The following RAPGEF2 variants were observed in gnomAD, a reference collection of about 807,000 sequenced individuals.
RAPGEF2 encodes the protein PDZ domain containing guanine nucleotide exchange factor (GEF) 1.
In RAPGEF2, 54 loss-of-function variants were observed where a neutral mutation model predicts 186.7. The ratio of observed to expected loss-of-function variants is 0.29; its 90% CI spans 0.23 to 0.36. RAPGEF2 has a LOEUF of 0.36. Among genes scored for constraint, RAPGEF2 ranks in the 10% least tolerant of loss-of-function variants. RAPGEF2 has a pLI of 1.00. For missense variants in RAPGEF2, 1,532 were observed against 2,045.0 expected, an observed-to-expected ratio of 0.75 and a Z score of 4.84; for synonymous variants, 712 against 705.9, an observed-to-expected ratio of 1.01 and a Z score of -0.14.
chr4:159,267,250 C>T, intron 7 of RAPGEF2: 1 of 1,289,240 alleles, frequency 7.8e-7, no homozygotes, highest in Non-Finnish European at 1.0e-6. Flanking sequence ...GCTTTCTATC[C>T]AGGAAATGGC....
At chr4:159,158,987 A>G (rs1367958249) in intron 1 of RAPGEF2, among the ~76,000 whole-genome samples, 1 of 152,200 alleles carries the variant, frequency 6.6e-6, no homozygotes, top group East Asian at 1.9e-4. Flanking sequence ...ATTTGGTCTT[A>G]ACGGCAACAC....
At chr4:159,228,946 G>A (rs1752327066) in intron 4 of RAPGEF2, among the ~76,000 whole-genome samples, 1 of 152,108 alleles carries the variant, frequency 6.6e-6, no homozygotes, top group Admixed American at 6.5e-5. Context: ...TTACTTGTTA[G>A]CTTTTCCTCC....
intron 7 of RAPGEF2, among the ~76,000 whole-genome samples, chr4:159,254,408 C>G (rs1048102934): frequency 6.6e-6 from 1 of 152,152 alleles, no homozygotes. Flanking sequence ...CTCAGGGGTC[C>G]TGAGACCATA....
intron 17 of RAPGEF2, among the ~76,000 whole-genome samples, chr4:159,333,907 C>G (rs1561299365): frequency 6.6e-6 from 1 of 152,150 alleles, no homozygotes; most frequent in Non-Finnish European, 1.5e-5. Context: ...AATTCCGTTT[C>G]AGATCTTTTT....
intron 3 of RAPGEF2, among the ~76,000 whole-genome samples, chr4:159,200,318 T>C (rs1464350311): frequency 6.6e-6 from 1 of 151,858 alleles, no homozygotes; most frequent in Non-Finnish European, 1.5e-5. Context: ...AATACAAAAA[T>C]TAGCCAGTGT....
chr4:159,301,878 A>T (rs1014867399), intron 7 of RAPGEF2, among the ~76,000 whole-genome samples: 1 of 152,154 alleles, frequency 6.6e-6, no homozygotes, highest in African/African-American at 2.4e-5. Context: ...AAATAAAAAA[A>T]AATCTTGTAT....
chr4:159,140,837 ATTTTTTTTTT>A (rs901325959), intron 1 of RAPGEF2, among the ~76,000 whole-genome samples: 2 of 62,390 alleles, frequency 3.2e-5, no homozygotes, highest in African/African-American at 1.2e-4. Context: ...AAAAAAAAAA[ATTTTTTTTTT>A]TTGAGACGGA....
intron 29 of RAPGEF2, among the ~76,000 whole-genome samples, chr4:159,357,859 A>G (rs376156312): frequency 1.3e-5 from 2 of 152,224 alleles, no homozygotes; most frequent in Admixed American, 6.5e-5. Flanking sequence ...GAATTTAACA[A>G]CTTTCTGAAC....
At chr4:159,204,999 C>G (rs1749822065) in intron 3 of RAPGEF2, among the ~76,000 whole-genome samples, 1 of 152,042 alleles carries the variant, frequency 6.6e-6, no homozygotes, top group Non-Finnish European at 1.5e-5. Context: ...GGCTCCTTTG[C>G]TCATAATTTT....
intron 7 of RAPGEF2, among the ~76,000 whole-genome samples, chr4:159,263,106 C>T (rs1433110227): frequency 6.6e-6 from 1 of 151,946 alleles, no homozygotes; most frequent in Non-Finnish European, 1.5e-5. Context: ...AAATTTTAGC[C>T]CAGATTTCCT....
In RAPGEF2 at chr4:159,346,962, C is replaced by T. The variant is rs147027570; in HGVS notation, c.3676C>T (p.Arg1226Trp). 18 of 1,614,126 alleles carry T rather than the reference C, an allele frequency of 1.1e-5. No individual in the cohort carries two copies. Among genetic ancestry groups the T allele is most frequent in the African/African-American group, 6.7e-5 (5 of 75,044 alleles). Residue 1226 changes from arginine to tryptophan, a missense_variant, in exon 25 of 30, where the codon CGG becomes TGG. This residue lies in a region of RAPGEF2 where 594 missense variants were observed against 608.5 expected (regional missense o/e 0.98). Coordinates refer to ENST00000691494, the MANE Select transcript of RAPGEF2 (RefSeq NM_001394067.2). Reference sequence around the variant, plus strand: ...TCCCGCCGTGTCCCTTTATCCTTCACGGAAGAAAGTGCCCGTAAAGGATCT... The same window carrying T: ...TCCCGCCGTGTCCCTTTATCCTTCATGGAAGAAAGTGCCCGTAAAGGATCT... ...QVPAVSLYPSRKKVPVKDLPP... is the reference protein window; with the variant it reads ...QVPAVSLYPSWKKVPVKDLPP...
intron 7 of RAPGEF2, among the ~76,000 whole-genome samples, chr4:159,268,854 C>G (rs1757753241): frequency 6.6e-6 from 1 of 152,028 alleles, no homozygotes; most frequent in African/African-American, 2.4e-5. Context: ...TCAGAGCCTC[C>G]TGTTTCAGGA....
intron 26 of RAPGEF2, 75 bp downstream of exon 26, chr4:159,350,364 T>C (rs1021950364): frequency 8.1e-7 from 1 of 1,233,154 alleles, no homozygotes; most frequent in Non-Finnish European, 1.1e-6. Flanking sequence ...CAGAGTAATG[T>C]ATTACATAAT....
intron 4 of RAPGEF2, among the ~76,000 whole-genome samples, chr4:159,215,643 C>T (rs1168241692): frequency 1.3e-5 from 2 of 152,154 alleles, no homozygotes; most frequent in Admixed American, 6.5e-5. Flanking sequence ...TAGAAATAGT[C>T]ATGTGTACCA....
At chr4:159,193,668 T>G (rs1030775977) in intron 3 of RAPGEF2, among the ~76,000 whole-genome samples, 6 of 152,256 alleles carry the variant, frequency 3.9e-5, no homozygotes, top group Non-Finnish European at 7.3e-5. Context: ...GCTGCCCCCA[T>G]GTCTTTGGGT....
intron 7 of RAPGEF2, chr4:159,268,060 CCTTTTT>C: frequency 7.3e-7 from 1 of 1,372,308 alleles, no homozygotes; most frequent in Non-Finnish European, 9.6e-7. Flanking sequence ...TTTTTTTTTT[CCTTTTT>C]CTTTTAATTT....
intron 11 of RAPGEF2, among the ~76,000 whole-genome samples, chr4:159,325,950 A>T (rs955331642): frequency 6.6e-6 from 1 of 152,182 alleles, no homozygotes; most frequent in Admixed American, 6.5e-5. Flanking sequence ...ATAGACTCCT[A>T]TATAGCTCCT....
In RAPGEF2 at chr4:159,314,715, T is replaced by C. The variant is rs1764341486; in HGVS notation, c.800T>C (p.Ile267Thr). Residue 267 changes from isoleucine (I) to threonine (T), a missense_variant, in exon 9 of 30, where the codon ATT becomes ACT. Ile to Thr is a moderately conservative substitution (Grantham distance 89). This residue lies in a region of RAPGEF2 where 810 missense variants were observed against 1,210.5 expected (regional missense o/e 0.67). Transcript: ENST00000691494. ...RASDPLMSRD[I>T]VRDCLEKDPI... ...TCAGATCCTCTGATGAGCAGGGACA[T>C]TGTGAGAGACTGCCTAGAGAAGGAC... The C allele has an allele frequency of 1.2e-6, 2 of 1,613,690 alleles. No homozygotes were observed. Among genetic ancestry groups the C allele is most frequent in the African/African-American group, 1.3e-5 (1 of 74,860 alleles).
chr4:159,246,171 G>C (rs1480323608), intron 7 of RAPGEF2, among the ~76,000 whole-genome samples: 2 of 152,136 alleles, frequency 1.3e-5, no homozygotes, highest in African/African-American at 4.8e-5. Context: ...AATATACACT[G>C]CAGAGTACTG....
Sources: gnomAD v4.1 joint callset for allele counts (sites outside exome capture counted in the v4.1 genomes callset) on GRCh38, gnomAD v4.1.1 for gene constraint, gnomAD v4.1.1 regional missense constraint, MANE v1.5 for transcripts, NCBI Gene and HGNC (gene_info 2026-07-23, HGNC 2026-07-21) for gene names.